Variants in CHCHD2 observed in about 807,000 individuals in gnomAD.
CHCHD2 encodes coiled-coil-helix-coiled-coil-helix domain-containing protein 2.
A neutral mutation model predicts 17.5 loss-of-function variants in CHCHD2; 17 were observed. That is an observed-to-expected ratio of 0.97 (90% CI 0.67 to 1.46). The LOEUF is 1.46. Among genes scored for constraint, CHCHD2 ranks in the 40% most tolerant of loss-of-function variants. The probability of loss-of-function intolerance (pLI) is 0.00; values close to 1 mark genes in which losing one functional copy is unlikely to be tolerated. For synonymous variants in CHCHD2, 63 were observed against 74.3 expected (o/e 0.85, Z 0.78); for missense variants, 175 against 199.9 (o/e 0.88, Z 0.75).
intron 1 of CHCHD2, 45 bp from the exon 2 acceptor site, chr7:56,104,520 G>T: frequency 6.8e-7 from 1 of 1,475,822 alleles, no homozygotes; most frequent in Non-Finnish European, 9.0e-7. Flanking sequence ...ATTCCAACCA[G>T]TTTTGGAAAT....
At chr7:56,102,740 G>T in intron 3 of CHCHD2, 127 bp downstream of exon 3, 1 of 972,056 alleles carries the variant, frequency 1.0e-6, no homozygotes. Context: ...CCAGTTGTTA[G>T]GAGTTAATTC....
At position 56,104,452 on chromosome 7, in the gene CHCHD2, G is replaced by A; in HGVS notation, c.74C>T (p.Ala25Val). The A allele has an allele frequency of 6.2e-7, 1 of 1,601,362 alleles. No individual in the cohort carries two copies. Among genetic ancestry groups the A allele is most frequent in the Non-Finnish European group, 8.5e-7 (1 of 1,171,790 alleles). Residue 25 changes from alanine (A) to valine (V), a missense_variant, in exon 2 of 4, where the codon GCA becomes GTA. Ala to Val is a moderately conservative substitution (Grantham distance 64, BLOSUM62 0). Coordinates refer to ENST00000395422, the MANE Select transcript of CHCHD2 (RefSeq NM_016139.4). ...PASRAPQMRA[A>V]PRPAPVAQPP... Reference sequence around the variant, plus strand: ...CTGAGCGACTGGTGCTGGCCTGGGTGCAGCTCTCATCTGAGGGGCCCGGCT... The same window carrying A: ...CTGAGCGACTGGTGCTGGCCTGGGTACAGCTCTCATCTGAGGGGCCCGGCT...
chr7:56,102,796 T>C, intron 3 of CHCHD2, 71 bp downstream of exon 3: 1 of 1,506,104 alleles, frequency 6.6e-7, no homozygotes, highest in Middle Eastern at 2.0e-4. Context: ...AAACACAGAT[T>C]ACCCTAAGTT....
In CHCHD2 at chr7:56,104,365, C is replaced by A. The variant is rs777599524; in HGVS notation, c.161G>T (p.Gly54Val). 6.2e-7 allele frequency: 1 copy of A among 1,613,042 alleles called. No homozygotes were observed. The highest frequency in any genetic ancestry group is 1.1e-5 in the South Asian group (1 of 91,038). The change falls in exon 2 of 4, where the codon GGT becomes GTT. Residue 54 changes from glycine to valine, a missense_variant. By Grantham distance (109) the Gly-to-Val change is moderately radical (BLOSUM62 -3). Coordinates refer to ENST00000395422, the MANE Select transcript of CHCHD2 (RefSeq NM_016139.4). ...GSSAAAPRQP[G>V]LMAQMATTAA... is the part of the protein sequence containing the mutation. ...AGTGGTTGCCATCTGGGCCATCAGACCTGGCTGCCGGGGCGCAGCAGCAGA... is the reference window on the plus strand; with the variant it reads ...AGTGGTTGCCATCTGGGCCATCAGAACTGGCTGCCGGGGCGCAGCAGCAGA...
Position 56,104,367 on chromosome 7 carries a change from T to G in CHCHD2, c.159A>C (p.Pro53=). The change falls in exon 2 of 4, where the codon CCA becomes CCC. Residue 53 remains proline (P), a synonymous_variant. Coordinates refer to ENST00000395422, the MANE Select transcript of CHCHD2 (RefSeq NM_016139.4). ...VGSSAAAPRQ[P]GLMAQMATTA... The stretch of plus-strand genomic sequence containing the variant: ...TGGTTGCCATCTGGGCCATCAGACC[T>G]GGCTGCCGGGGCGCAGCAGCAGAAG... The G allele has an allele frequency of 6.2e-7, 1 of 1,612,970 alleles. No individual in the cohort carries two copies. Among genetic ancestry groups the G allele is most frequent in the Non-Finnish European group, 8.5e-7 (1 of 1,179,610 alleles).
At chr7:56,103,676 G>C (rs562011539) in intron 2 of CHCHD2, among the ~76,000 whole-genome samples, 2 of 152,242 alleles carry the variant, frequency 1.3e-5, no homozygotes, top group Non-Finnish European at 1.5e-5. Context: ...AAATAAAGAT[G>C]CAAATAAAGT....
At position 56,104,227 on chromosome 7, in the gene CHCHD2, TGGTAAGTGATGTCA is replaced by T; in HGVS notation, c.285_298del (p.Asp96GlyfsTer17). On this transcript the variant is annotated frameshift_variant and splice_region_variant, in exon 2 of 4. Coordinates refer to ENST00000395422, the MANE Select transcript of CHCHD2 (RefSeq NM_016139.4). LOFTEE classifies it high-confidence loss of function. ...GGGAAATGCTGCCTAAATTCCCACCTGGTAAGTGATGTCAGGCCTCGCAGGCTCAGCATTACTTC... is the reference window on the plus strand; with the variant it reads ...GGGAAATGCTGCCTAAATTCCCACCTGGCCTCGCAGGCTCAGCATTACTTC... 1 of 1,612,454 alleles carries T rather than the reference TGGTAAGTGATGTCA, an allele frequency of 6.2e-7. No homozygotes were observed. Among genetic ancestry groups the T allele is most frequent in the Non-Finnish European group, 8.5e-7 (1 of 1,178,566 alleles).
At chr7:56,104,159 A>G in intron 2 of CHCHD2, 67 bp downstream of exon 2, 1 of 1,583,980 alleles carries the variant, frequency 6.3e-7, no homozygotes, top group Non-Finnish European at 8.7e-7. Flanking sequence ...CACTTAAGGA[A>G]CTTACAAACG....
chr7:56,102,826 C>T (rs981607977), intron 3 of CHCHD2, 41 bp downstream of exon 3: 2 of 1,605,464 alleles, frequency 1.2e-6, no homozygotes, highest in Admixed American at 1.7e-5. Context: ...CCAGGAATTC[C>T]ACTGTGAATT....
At chr7:56,102,654 C>T (rs997312215) in intron 3 of CHCHD2, 52 of 530,004 alleles carry the variant, frequency 9.8e-5, no homozygotes, top group Non-Finnish European at 1.2e-4. Flanking sequence ...AAGCGTGAGC[C>T]ACTGTGCCTG....
intron 2 of CHCHD2, among the ~76,000 whole-genome samples, chr7:56,103,841 C>T (rs922241474): frequency 1.3e-5 from 2 of 152,230 alleles, no homozygotes; most frequent in Non-Finnish European, 2.9e-5. Context: ...AGCCCACACA[C>T]ATCAGAAAGA....
intron 1 of CHCHD2, among the ~76,000 whole-genome samples, chr7:56,105,441 T>C (rs1785365313): frequency 6.6e-6 from 1 of 152,162 alleles, no homozygotes. Context: ...GAGACAAAAA[T>C]CTCTGCATTC....
chr7:56,101,585 G>A lies in CHCHD2; in HGVS notation c.*266C>T, dbSNP rs1424761234. ...AATGAACCATACCTTGGAAGAAAAT[G>A]ACTTTATTCTAATTAACTCACAAAG... On this transcript the variant is annotated 3_prime_UTR_variant, in exon 4 of 4. Transcript: ENST00000395422. The A allele has an allele frequency of 2.4e-6, 1 of 417,682 alleles. No homozygotes were observed. The highest frequency in any genetic ancestry group is 2.1e-5 in the African/African-American group (1 of 48,412). The allele number at this position is 417,682 out of a possible 1,614,324, so 25.9% of individuals were successfully genotyped here.
At chr7:56,101,901 C>T (rs199560793) in intron 3 of CHCHD2, 40 bp from the exon 4 acceptor site, 26 of 1,600,412 alleles carry the variant, frequency 1.6e-5, no homozygotes, top group African/African-American at 1.3e-4. Flanking sequence ...ATGCTAGCTT[C>T]GTATACTCAA....
rs200691099 is a variant in CHCHD2, at chr7:56,103,026, C to T, written c.301-15G>A. On this transcript the variant is annotated splice_polypyrimidine_tract_variant and intron_variant, in intron 2 of 3. Coordinates refer to ENST00000395422, the MANE Select transcript of CHCHD2 (RefSeq NM_016139.4). ...CCCTGAGGCTCCTGCAAAGGCAAAA[C>T]ATTCAACATTGCTGAGAAAGAAAAT... 3.1e-6 allele frequency: 5 copies of T among 1,614,090 alleles called. No homozygotes were observed. In the African/African-American group the frequency reaches 5.3e-5, roughly 17 times the overall value.
rs764589776 is a variant in CHCHD2 at position 56,104,219 on chromosome 7, T to C, written c.300+7A>G. 1 of 1,611,500 alleles carries C rather than the reference T, an allele frequency of 6.2e-7. No individual in the cohort carries two copies. The highest frequency in any genetic ancestry group is 8.5e-7 in the Non-Finnish European group (1 of 1,177,860). On this transcript the variant is annotated splice_region_variant and intron_variant, in intron 2 of 3. Transcript: ENST00000395422. Reference sequence around the variant, plus strand: ...CCATGGAAGGGAAATGCTGCCTAAATTCCCACCTGGTAAGTGATGTCAGGC... The same window carrying C: ...CCATGGAAGGGAAATGCTGCCTAAACTCCCACCTGGTAAGTGATGTCAGGC...
At chr7:56,104,757 G>A (rs1785353673) in intron 1 of CHCHD2, among the ~76,000 whole-genome samples, 1 of 151,474 alleles carries the variant, frequency 6.6e-6, no homozygotes, top group Non-Finnish European at 1.5e-5. Flanking sequence ...ACAGGCACCC[G>A]CGACCACCTC....
intron 3 of CHCHD2, among the ~76,000 whole-genome samples, chr7:56,102,144 A>G (rs1238839740): frequency 6.6e-6 from 1 of 152,122 alleles, no homozygotes; most frequent in Non-Finnish European, 1.5e-5. Flanking sequence ...ACAACTAACA[A>G]GACACCCTGA....
chr7:56,102,615 G>A, intron 3 of CHCHD2: 2 of 395,174 alleles, frequency 5.1e-6, no homozygotes, highest in South Asian at 3.1e-5. Context: ...TGATCCACCC[G>A]TCTTGGCCTC....
Sources: allele counts gnomAD v4.1 joint callset (sites outside exome capture counted in the v4.1 genomes callset), GRCh38; gene constraint gnomAD v4.1.1; transcripts MANE v1.5; gene names NCBI Gene and HGNC (gene_info 2026-07-23, HGNC 2026-07-21).